The following KCNQ3 variants were observed in gnomAD, a reference collection of about 807,000 sequenced individuals.
KCNQ3 encodes the protein potassium voltage-gated channel subfamily KQT member 3.
In KCNQ3, 30 loss-of-function variants were observed where a neutral mutation model predicts 92.5. The observed-to-expected ratio is 0.32, with a 90% CI of 0.24 to 0.44. The LOEUF is 0.44. Among genes scored for constraint, KCNQ3 ranks in the 20% least tolerant of loss-of-function variants. The pLI is 1.00. For synonymous variants in KCNQ3, 450 were observed against 468.8 expected (o/e 0.96, Z 0.52); for missense variants, 913 against 1,140.3 (o/e 0.80, Z 2.87).
intron 1 of KCNQ3, chr8:132,186,466 G>A: frequency 2.5e-6 from 1 of 404,260 alleles, no homozygotes; most frequent in Non-Finnish European, 4.7e-6. Flanking sequence ...TAGATCATCT[G>A]GTTCCAACCT....
At chr8:132,405,276 A>C (rs1192699055) in intron 1 of KCNQ3, among the ~76,000 whole-genome samples, 2 of 152,312 alleles carry the variant, frequency 1.3e-5, no homozygotes, top group Middle Eastern at 3.4e-3. Context: ...CTCATGCTGC[A>C]AGGGCGGGTA....
chr8:132,380,884 T>C (rs1295978606), intron 1 of KCNQ3, among the ~76,000 whole-genome samples: 1 of 140,904 alleles, frequency 7.1e-6, no homozygotes, highest in African/African-American at 2.7e-5. Context: ...CAAGGGAGAT[T>C]GGGCAGGAAC....
chr8:132,476,552 G>A (rs187337097), intron 1 of KCNQ3, among the ~76,000 whole-genome samples: 1 of 152,356 alleles, frequency 6.6e-6, no homozygotes, highest in East Asian at 1.9e-4. Flanking sequence ...TTTAATGCAT[G>A]CCCTGCTGGG....
intron 1 of KCNQ3, among the ~76,000 whole-genome samples, chr8:132,466,734 T>C (rs1023150169): frequency 3.3e-5 from 5 of 152,190 alleles, no homozygotes; most frequent in African/African-American, 1.2e-4. Flanking sequence ...GGGGGCAAAA[T>C]TCGTTCTGGG....
chr8:132,253,123 A>G (rs1024969608), intron 1 of KCNQ3, among the ~76,000 whole-genome samples: 1 of 152,112 alleles, frequency 6.6e-6, no homozygotes, highest in Admixed American at 6.5e-5. Context: ...ACTTGGGCAT[A>G]TATTTATGGA....
chr8:132,458,052 T>C (rs1256164163), intron 1 of KCNQ3, among the ~76,000 whole-genome samples: 1 of 152,148 alleles, frequency 6.6e-6, no homozygotes, highest in Non-Finnish European at 1.5e-5. Context: ...ATCCTCCTTA[T>C]GGCAAACCCT....
At chr8:132,469,626 G>A (rs751284237) in intron 1 of KCNQ3, among the ~76,000 whole-genome samples, 9 of 151,814 alleles carry the variant, frequency 5.9e-5, no homozygotes, top group African/African-American at 9.7e-5. Flanking sequence ...ACACTGTCCC[G>A]CTTGTTAAAA....
intron 1 of KCNQ3, among the ~76,000 whole-genome samples, chr8:132,388,057 G>GAGA (rs992888015): frequency 4.0e-5 from 6 of 150,846 alleles, no homozygotes; most frequent in African/African-American, 1.2e-4. Flanking sequence ...AGAAGAAGAA[G>GAGA]AGAAGAAGAA....
intron 1 of KCNQ3, among the ~76,000 whole-genome samples, chr8:132,340,644 G>A (rs1318167181): frequency 6.6e-6 from 1 of 152,146 alleles, no homozygotes; most frequent in Non-Finnish European, 1.5e-5. Context: ...AGGGGAGGAT[G>A]CGTTAGGACA....
intron 1 of KCNQ3, among the ~76,000 whole-genome samples, chr8:132,327,904 C>T (rs1306416548): frequency 6.6e-6 from 1 of 152,076 alleles, no homozygotes; most frequent in Non-Finnish European, 1.5e-5. Context: ...TGTACTTGTA[C>T]TACAGCTCCC....
chr8:132,303,606 GTATA>G (rs369419617), intron 1 of KCNQ3, among the ~76,000 whole-genome samples: 820 of 35,058 alleles, frequency 0.023, 177 homozygotes, highest in African/African-American at 0.078. Context: ...TATATGGTGT[GTATA>G]TATATATATA....
intron 12 of KCNQ3, among the ~76,000 whole-genome samples, chr8:132,135,930 G>A (rs1180551805): frequency 6.6e-6 from 1 of 151,758 alleles, no homozygotes; most frequent in Non-Finnish European, 1.5e-5. Context: ...GATCAGCCTG[G>A]CCAGCACGGT....
intron 14 of KCNQ3, 86 bp from the exon 15 acceptor site, chr8:132,130,082 T>TG (rs1449429949): frequency 1.5e-6 from 2 of 1,350,980 alleles, no homozygotes; most frequent in Non-Finnish European, 2.0e-6. Context: ...TTCTTTTTTT[T>TG]TGTTTTTTTT....
chr8:132,184,061 A>T (rs1826877695), intron 3 of KCNQ3, among the ~76,000 whole-genome samples, 180 bp downstream of exon 3: 1 of 152,182 alleles, frequency 6.6e-6, no homozygotes, highest in African/African-American at 2.4e-5. Context: ...TCACAGAAGG[A>T]GGAATTTGAG....
chr8:132,254,018 T>G (rs1815496754), intron 1 of KCNQ3, among the ~76,000 whole-genome samples: 1 of 152,184 alleles, frequency 6.6e-6, no homozygotes, highest in African/African-American at 2.4e-5. Context: ...GAGGTGGGCT[T>G]TGGAAGGCCA....
rs765887462 is a variant in KCNQ3 at position 132,462,238 on chromosome 8, G to T, written c.386+17909C>A. 6.6e-5 allele frequency among the ~76,000 whole-genome samples: 10 copies of T among 151,758 alleles called. 1 individual carries two copies. The South Asian group carries it at 2.1e-3, about 32-fold the overall frequency. ...TTTTGAGACGGAGTCTTGCTTTGTT[G>T]CCCAGGTTGGAGTGCAGTGGCGCTA... is the stretch of plus-strand genomic sequence containing the variant. On this transcript the variant is annotated intron_variant, in intron 1 of 14. Coordinates refer to ENST00000388996, the MANE Select transcript of KCNQ3 (RefSeq NM_004519.4).
intron 4 of KCNQ3, among the ~76,000 whole-genome samples, chr8:132,176,602 G>C (rs1054826633): frequency 2.4e-4 from 36 of 152,196 alleles, no homozygotes; most frequent in African/African-American, 8.4e-4. Context: ...TGGGCCAATA[G>C]AATCTTCCTG....
At position 132,190,754 on chromosome 8, in the gene KCNQ3, G is replaced by A. The variant is rs553915505; in HGVS notation, c.387-4573C>T. Among the ~76,000 whole-genome samples the A allele has an allele frequency of 5.3e-5, 8 of 152,318 alleles. No homozygotes were observed. In the East Asian group the frequency reaches 1.5e-3, roughly 29 times the overall value. ...GAAAACTGAGATTAAAAAATTGTAT[G>A]TTGTAAGCCACTAAGTTAGAGGCAA... On this transcript the variant is annotated intron_variant, in intron 1 of 14. Transcript: ENST00000388996.
intron 1 of KCNQ3, among the ~76,000 whole-genome samples, chr8:132,287,664 T>A (rs1162459124): frequency 2.0e-5 from 3 of 152,238 alleles, no homozygotes; most frequent in African/African-American, 7.2e-5. Context: ...ATCATTATGC[T>A]AAGTGACAAC....
Sources: allele counts gnomAD v4.1 joint callset (sites outside exome capture counted in the v4.1 genomes callset), GRCh38; gene constraint gnomAD v4.1.1; transcripts MANE v1.5; gene names NCBI Gene and HGNC (gene_info 2026-07-23, HGNC 2026-07-21).